SIPA1L1: variants seen among roughly 807,000 people sequenced by gnomAD.
The protein encoded by SIPA1L1 is signal induced proliferation associated 1 like 1.
In SIPA1L1, 26 loss-of-function variants were observed where a neutral mutation model predicts 162.7. The observed-to-expected ratio is 0.16, with a 90% confidence interval of 0.12 to 0.22. SIPA1L1 has a LOEUF of 0.22. Ranked by LOEUF, SIPA1L1 falls within the 10% of genes least tolerant of loss-of-function variation. SIPA1L1 has a pLI of 1.00. For missense variants in SIPA1L1, 1,874 were observed against 2,241.0 expected (o/e 0.84, Z 3.31); for synonymous variants, 829 against 837.4 (o/e 0.99, Z 0.17).
At chr14:71,647,725 T>C (rs1412743920) in intron 7 of SIPA1L1, among the ~76,000 whole-genome samples, 1 of 152,200 alleles carries the variant, frequency 6.6e-6, no homozygotes, top group African/African-American at 2.4e-5. Flanking sequence ...AGACTATCTC[T>C]CCCTTTTTAT....
rs866967064 is a variant in SIPA1L1 at position 71,392,771 on chromosome 14, G to T, written c.-465+71590G>T. On this transcript the variant is annotated intron_variant, in intron 2 of 23. Coordinates refer to ENST00000381232, the MANE Select transcript of SIPA1L1 (RefSeq NM_001386936.1). ...GATGGTCTCAATCTCCTAACCTCGTGATCTGCCCGTCTCGGCCTCTCAAAG... is the reference window on the plus strand; with the variant it reads ...GATGGTCTCAATCTCCTAACCTCGTTATCTGCCCGTCTCGGCCTCTCAAAG... Among the ~76,000 whole-genome samples the T allele has an allele frequency of 2.2e-4, 33 of 152,214 alleles. 1 individual carries two copies. Among genetic ancestry groups the T allele is most frequent in the African/African-American group, 7.7e-4 (32 of 41,538 alleles).
At chr14:71,484,756 C>T (rs1036579644) in intron 2 of SIPA1L1, among the ~76,000 whole-genome samples, 5 of 152,092 alleles carry the variant, frequency 3.3e-5, no homozygotes, top group Non-Finnish European at 7.3e-5. Flanking sequence ...TGACAGTAGG[C>T]TTATTGTTAG....
Position 71,723,693 on chromosome 14 carries a change from G to A in SIPA1L1, c.4255G>A (p.Ala1419Thr), listed in dbSNP as rs2083959992. 1 of 1,614,056 alleles carries A rather than the reference G, an allele frequency of 6.2e-7. No homozygotes were observed. Among genetic ancestry groups the A allele is most frequent in the African/African-American group, 1.3e-5 (1 of 74,920 alleles). ...HSASPVVFTSARSSPKEELHP... is the reference protein window; with the variant it reads ...HSASPVVFTSTRSSPKEELHP... Reference sequence around the variant, plus strand: ...TGCCAGCCCAGTGGTTTTCACCAGTGCCCGGAGTTCACCTAAAGAAGAGCT... The same window carrying A: ...TGCCAGCCCAGTGGTTTTCACCAGTACCCGGAGTTCACCTAAAGAAGAGCT... Residue 1419 changes from alanine to threonine, a missense_variant, in exon 18 of 24, where the codon GCC (alanine) becomes ACC (threonine). Physicochemically the swap from Ala to Thr is moderately conservative, Grantham distance 58. Transcript: ENST00000381232.
chr14:71,613,390 T>C (rs567681812), intron 5 of SIPA1L1, among the ~76,000 whole-genome samples: 1 of 151,998 alleles, frequency 6.6e-6, no homozygotes, highest in Non-Finnish European at 1.5e-5. Context: ...TTGGTTGATA[T>C]GATTATTAGA....
intron 2 of SIPA1L1, among the ~76,000 whole-genome samples, chr14:71,348,318 A>G (rs939438169): frequency 1.1e-4 from 16 of 152,098 alleles, no homozygotes; most frequent in African/African-American, 3.6e-4. Flanking sequence ...GTCACCATTG[A>G]TTAGTTTTTA....
intron 2 of SIPA1L1, among the ~76,000 whole-genome samples, chr14:71,406,389 A>G (rs1240294631): frequency 6.6e-6 from 1 of 151,920 alleles, no homozygotes; most frequent in African/African-American, 2.4e-5. Context: ...CAGAAATTTT[A>G]TGTTTAGAAT....
At position 71,587,898 on chromosome 14, in the gene SIPA1L1, C is replaced by T; in HGVS notation, c.26C>T (p.Thr9Ile). MTSLKRSQ[T>I]ERPLATDRAS... Reference sequence around the variant, plus strand: ...ATGACCAGCTTGAAACGGTCACAGACAGAAAGGCCTCTTGCCACTGACAGG... The same window carrying T: ...ATGACCAGCTTGAAACGGTCACAGATAGAAAGGCCTCTTGCCACTGACAGG... Residue 9 changes from threonine (T) to isoleucine (I), a missense_variant, in exon 5 of 24, where the codon ACA becomes ATA. Coordinates refer to ENST00000381232, the MANE Select transcript of SIPA1L1 (RefSeq NM_001386936.1). The T allele has an allele frequency of 3.1e-6, 5 of 1,610,886 alleles. No homozygotes were observed. The Middle Eastern group carries it at 8.3e-4, about 267-fold the overall frequency.
At chr14:71,726,712 A>G (rs2084275424) in intron 19 of SIPA1L1, among the ~76,000 whole-genome samples, 1 of 152,240 alleles carries the variant, frequency 6.6e-6, no homozygotes, top group Non-Finnish European at 1.5e-5. Flanking sequence ...GGCTGTAAGC[A>G]GGAACTGGGA....
In SIPA1L1 at chr14:71,685,615, C is replaced by T. The variant is rs138594386; in HGVS notation, c.3358C>T (p.Arg1120Cys). Residue 1120 changes from arginine to cysteine, a missense_variant, in exon 13 of 24, where the codon CGC (arginine) becomes TGC (cysteine). This residue lies in a region of SIPA1L1 where 936 missense variants were observed against 1,051.9 expected (regional missense o/e 0.89). Coordinates refer to ENST00000381232, the MANE Select transcript of SIPA1L1 (RefSeq NM_001386936.1). ...CCCTCGAAGCATCTCCAGTGACGGG[C>T]GCCCACTAGAGAGGCGGTAAGTGTG... is the stretch of plus-strand genomic sequence containing the variant. ...NIPRSISSDG[R>C]PLERRLSPGS... is the part of the protein sequence containing the mutation. 3.1e-6 allele frequency: 5 copies of T among 1,614,090 alleles called. No homozygotes were observed. Among genetic ancestry groups the T allele is most frequent in the East Asian group, 2.2e-5 (1 of 44,886 alleles).
intron 4 of SIPA1L1, among the ~76,000 whole-genome samples, chr14:71,555,414 G>C (rs2056266931): frequency 6.6e-6 from 1 of 152,216 alleles, no homozygotes; most frequent in Admixed American, 6.5e-5. Flanking sequence ...GAATTGAAGA[G>C]AGTTAGGGCC....
At chr14:71,615,659 G>C (rs148181672) in intron 5 of SIPA1L1, among the ~76,000 whole-genome samples, 209 of 152,260 alleles carry the variant, frequency 1.4e-3, no homozygotes, top group Non-Finnish European at 2.5e-3. Flanking sequence ...AAGGTGATAG[G>C]TTCACTTTTG....
chr14:71,483,946 C>T (rs947909637), intron 2 of SIPA1L1, among the ~76,000 whole-genome samples: 1 of 152,168 alleles, frequency 6.6e-6, no homozygotes, highest in Non-Finnish European at 1.5e-5. Context: ...CTCTGCACTC[C>T]GTAGCACCCT....
intron 5 of SIPA1L1, among the ~76,000 whole-genome samples, chr14:71,617,499 T>G (rs536802363): frequency 6.6e-6 from 1 of 152,350 alleles, no homozygotes; most frequent in African/African-American, 2.4e-5. Flanking sequence ...TTTCTTCTTT[T>G]GAATTTCCAT....
intron 5 of SIPA1L1, among the ~76,000 whole-genome samples, chr14:71,598,056 C>T (rs1190128129): frequency 2.0e-5 from 3 of 152,102 alleles, no homozygotes; most frequent in East Asian, 3.9e-4. Flanking sequence ...TAGAGGAAGC[C>T]GTCTGTGTAT....
chr14:71,646,792 G>A (rs2042209728), intron 7 of SIPA1L1, among the ~76,000 whole-genome samples: 1 of 150,478 alleles, frequency 6.6e-6, no homozygotes, highest in Admixed American at 6.6e-5. Flanking sequence ...GCTAAACTGT[G>A]GATAGGAGGG....
At chr14:71,486,140 T>C (rs2048739569) in intron 2 of SIPA1L1, among the ~76,000 whole-genome samples, 2 of 152,250 alleles carry the variant, frequency 1.3e-5, no homozygotes, top group Admixed American at 6.5e-5. Flanking sequence ...TCATGAAATA[T>C]TTTTAATACC....
chr14:71,668,228 G>T (rs1423191349), intron 10 of SIPA1L1, among the ~76,000 whole-genome samples: 1 of 152,168 alleles, frequency 6.6e-6, no homozygotes, highest in Non-Finnish European at 1.5e-5. Flanking sequence ...TGACCCATGT[G>T]AATGGTCCCT....
chr14:71,566,444 G>A (rs985403401), intron 4 of SIPA1L1, among the ~76,000 whole-genome samples: 38 of 152,286 alleles, frequency 2.5e-4, no homozygotes, highest in East Asian at 9.6e-4. Flanking sequence ...AAAATTAGCC[G>A]AGGAAGTAGA....
At chr14:71,606,736 A>T (rs1278353930) in intron 5 of SIPA1L1, among the ~76,000 whole-genome samples, 1 of 152,054 alleles carries the variant, frequency 6.6e-6, no homozygotes, top group Non-Finnish European at 1.5e-5. Context: ...AACCGGTCCC[A>T]ACCAAGCAGG....
Sources: allele counts gnomAD v4.1 joint callset (sites outside exome capture counted in the v4.1 genomes callset), GRCh38; gene constraint gnomAD v4.1.1; regional missense constraint gnomAD v4.1.1; transcripts MANE v1.5; gene names NCBI Gene and HGNC (gene_info 2026-07-23, HGNC 2026-07-21).